The following ACOX3 variants were observed in gnomAD, a reference collection of about 807,000 sequenced individuals.
ACOX3 encodes the protein acyl-CoA oxidase 3, pristanoyl.
Under a neutral mutation model 81.5 loss-of-function variants are expected in ACOX3, and 73 were observed. The observed-to-expected ratio is 0.90, with a 90% CI of 0.74 to 1.09. The LOEUF is 1.09. ACOX3 is among the 50% of genes least tolerant of loss of function. The pLI is 0.00. For synonymous variants in ACOX3, 387 were observed against 375.1 expected (o/e 1.03, Z -0.37); for missense variants, 947 against 928.0 (o/e 1.02, Z -0.27).
In ACOX3 at chr4:8,373,771, G is replaced by A. The variant is rs557296070; in HGVS notation, c.1829-143C>T. 2.3e-5 allele frequency: 16 copies of A among 711,016 alleles called. No individual in the cohort carries two copies. The East Asian group carries it at 4.3e-4, about 19-fold the overall frequency. 44.0% of individuals were successfully genotyped at this position (711,016 alleles called of 1,614,324 possible). A position where few individuals can be genotyped will look rare whatever the true frequency, so the allele number is the denominator to read the frequency against. On this transcript the variant is annotated intron_variant, in intron 15 of 17. Coordinates refer to ENST00000356406, the MANE Select transcript of ACOX3 (RefSeq NM_003501.3). ...CACATCAGTGTCATTGCTGTCCCCAGCCCAGATGTGACCCAAGGAATGTGC... is the reference window on the plus strand; with the variant it reads ...CACATCAGTGTCATTGCTGTCCCCAACCCAGATGTGACCCAAGGAATGTGC...
At chr4:8,420,036 A>C (rs558170999) in intron 1 of ACOX3, among the ~76,000 whole-genome samples, 1 of 152,340 alleles carries the variant, frequency 6.6e-6, no homozygotes, top group East Asian at 1.9e-4. Context: ...GACTGTGTTA[A>C]GCAGCTACAT....
At position 8,396,967 on chromosome 4, in the gene ACOX3, C is replaced by T; in HGVS notation, c.1026G>A (p.Glu342=). The change falls in exon 9 of 18, where the codon GAG becomes GAA. Residue 342 remains glutamate (E), a synonymous_variant. Coordinates refer to ENST00000356406, the MANE Select transcript of ACOX3 (RefSeq NM_003501.3). ...TTGGATACTCAAGCACTGGTATTTC[C>T]TCCTCCTCTGTGGGTCCAAACTGAC... ...TRRQFGPTEE[E]EIPVLEYPMQ... 6.2e-7 allele frequency: 1 copy of T among 1,612,120 alleles called. No homozygotes were observed. Among genetic ancestry groups the T allele is most frequent in the Non-Finnish European group, 8.5e-7 (1 of 1,179,358 alleles).
intron 9 of ACOX3, 44 bp downstream of exon 9, chr4:8,396,893 T>A: frequency 4.4e-6 from 7 of 1,584,732 alleles, no homozygotes; most frequent in Non-Finnish European, 6.0e-6. Context: ...TGAATTTGCA[T>A]ATAAAATAGA....
chr4:8,411,332 G>T (rs551613476), intron 5 of ACOX3, among the ~76,000 whole-genome samples: 1 of 152,320 alleles, frequency 6.6e-6, no homozygotes, highest in South Asian at 2.1e-4. Flanking sequence ...ATAACGTGCC[G>T]GGGAGGGCTT....
rs1422886140 is a variant in ACOX3 at position 8,381,255 on chromosome 4, C to T, written c.1653+237G>A. Among the ~76,000 whole-genome samples the T allele has an allele frequency of 2.0e-5, 3 of 152,146 alleles. No individual in the cohort carries two copies. Among genetic ancestry groups the T allele is most frequent in the Non-Finnish European group, 2.9e-5 (2 of 68,034 alleles). On this transcript the variant is annotated intron_variant, in intron 14 of 17. Transcript: ENST00000356406. This position sits in a 1 kb window ranked among gnomAD's most constrained non-coding sequence, Gnocchi z 4.3. ...CCGCTCTGGTTTACGGGCTGGGAACCGTCAGGCACGGTAAATGTAACATCC... is the reference window on the plus strand; with the variant it reads ...CCGCTCTGGTTTACGGGCTGGGAACTGTCAGGCACGGTAAATGTAACATCC...
intron 1 of ACOX3, among the ~76,000 whole-genome samples, chr4:8,426,541 C>T (rs1339893251): frequency 7.6e-6 from 1 of 131,886 alleles, no homozygotes; most frequent in Non-Finnish European, 1.6e-5. Context: ...TTGTCTTACC[C>T]CCCTTTCACT....
chr4:8,435,368 C>G (rs1252469037), intron 1 of ACOX3, among the ~76,000 whole-genome samples: 2 of 152,190 alleles, frequency 1.3e-5, no homozygotes, highest in Non-Finnish European at 2.9e-5. Context: ...TGCTGGCGGG[C>G]ACCTGTAGTC....
intron 7 of ACOX3, among the ~76,000 whole-genome samples, chr4:8,402,208 C>T (rs374632235): frequency 2.6e-5 from 4 of 152,204 alleles, no homozygotes; most frequent in South Asian, 2.1e-4. Flanking sequence ...CGGGTGGGGA[C>T]GGGGCTGGAG....
chr4:8,411,259 T>A (rs777698181), intron 5 of ACOX3, among the ~76,000 whole-genome samples: 1 of 152,238 alleles, frequency 6.6e-6, no homozygotes, highest in Non-Finnish European at 1.5e-5. Flanking sequence ...CAGTCACTGC[T>A]AGGGGCTGTC....
Position 8,385,780 on chromosome 4 carries a change from T to C in ACOX3, c.1537+3393A>G, listed in dbSNP as rs1410987612. 6.6e-6 allele frequency among the ~76,000 whole-genome samples: 1 copy of C among 152,198 alleles called. No individual in the cohort carries two copies. Among genetic ancestry groups the C allele is most frequent in the Non-Finnish European group, 1.5e-5 (1 of 68,040 alleles). ...CAGAGCCTGAGGGCCCCACATCACT[T>C]AAACAGCTTTTACCAAAGATCCACA... On this transcript the variant is annotated intron_variant, in intron 13 of 17. Transcript: ENST00000356406. This position sits in a 1 kb window ranked among gnomAD's most constrained non-coding sequence, Gnocchi z 5.5.
At chr4:8,415,020 A>AGCGTGGGCATGGTGT in intron 3 of ACOX3, 92 bp from the exon 4 acceptor site, 4 of 1,167,078 alleles carry the variant, frequency 3.4e-6, no homozygotes, top group Non-Finnish European at 5.1e-6. Context: ...ACTCAACACC[A>AGCGTGGGCATGGTGT]TGCCCACGCT....
chr4:8,366,668 A>T lies in ACOX3; in HGVS notation c.*293T>A, dbSNP rs962755122. On this transcript the variant is annotated 3_prime_UTR_variant, in exon 18 of 18. Transcript: ENST00000356406. ...TTAGAGAAAGGAGCTGAACCCTGAA[A>T]ACTGAATGTGCGAAATTCTAATTAT... 1.2e-5 allele frequency: 3 copies of T among 241,038 alleles called. No homozygotes were observed. Among genetic ancestry groups the T allele is most frequent in the Non-Finnish European group, 2.5e-5 (3 of 121,430 alleles). 14.9% of individuals were successfully genotyped at this position (241,038 alleles called of 1,614,324 possible).
chr4:8,393,535 C>A (rs1719268052), intron 10 of ACOX3, among the ~76,000 whole-genome samples: 1 of 150,460 alleles, frequency 6.6e-6, no homozygotes, highest in South Asian at 2.1e-4. Flanking sequence ...GAGACTGATT[C>A]AGAGTAAAAG....
At chr4:8,413,204 A>G (rs567371340) in intron 5 of ACOX3, among the ~76,000 whole-genome samples, 217 of 112,554 alleles carry the variant, frequency 1.9e-3, no homozygotes, top group African/African-American at 4.7e-3. Context: ...GCACCCCTCC[A>G]TAGTACTGAC....
At chr4:8,440,294 T>C (rs1414187632) in intron 1 of ACOX3, among the ~76,000 whole-genome samples, 2 of 152,248 alleles carry the variant, frequency 1.3e-5, no homozygotes, top group African/African-American at 2.4e-5. Flanking sequence ...ATCCGGTGTC[T>C]GAGGAGTTTT....
In ACOX3 at chr4:8,381,485, T is replaced by G. The variant is rs917223632; in HGVS notation, c.1653+7A>C. On this transcript the variant is annotated splice_region_variant and intron_variant, in intron 14 of 17. Transcript: ENST00000356406. This position sits in a 1 kb window ranked among gnomAD's most constrained non-coding sequence, Gnocchi z 4.3. ...TACAAAAGGGAATTTTGAAAACAAA[T>G]ACTTACCTGGCATTTGTTCCTTGCT... 1 of 1,608,684 alleles carries G rather than the reference T, an allele frequency of 6.2e-7. No homozygotes were observed. Among genetic ancestry groups the G allele is most frequent in the African/African-American group, 1.3e-5 (1 of 74,772 alleles).
chr4:8,428,589 G>A (rs899440539), intron 1 of ACOX3: 1 of 152,312 alleles, frequency 6.6e-6, no homozygotes, highest in Non-Finnish European at 1.5e-5. Context: ...TGGAAGCCAC[G>A]AAGCTTCGCC....
Position 8,386,369 on chromosome 4 carries a change from A to C in ACOX3, c.1537+2804T>G, listed in dbSNP as rs931744103. On this transcript the variant is annotated intron_variant, in intron 13 of 17. Transcript: ENST00000356406. The surrounding 1 kb of genome is among the most constrained non-coding windows in gnomAD (Gnocchi z 5.2). ...ATCACGAGGTCAGGATATCGAGACC[A>C]TCCTGCCTAACACGGTGAAACTCCG... Among the ~76,000 whole-genome samples, 2 of 152,068 alleles carry C rather than the reference A, an allele frequency of 1.3e-5. No individual in the cohort carries two copies. The highest frequency in any genetic ancestry group is 2.4e-5 in the African/African-American group (1 of 41,406).
Position 8,389,586 on chromosome 4 carries a change from C to T in ACOX3, c.1423+26G>A. On this transcript the variant is annotated intron_variant, in intron 12 of 17. Coordinates refer to ENST00000356406, the MANE Select transcript of ACOX3 (RefSeq NM_003501.3). The surrounding 1 kb of genome is among the most constrained non-coding windows in gnomAD (Gnocchi z 5.3). The stretch of plus-strand genomic sequence containing the variant: ...CCTGCCCCAGTTGGGTTCCAGCGCC[C>T]CCACCAGTGTGCAGCAGAGCCTCAC... 6.2e-7 allele frequency: 1 copy of T among 1,613,060 alleles called. No homozygotes were observed. The highest frequency in any genetic ancestry group is 1.3e-5 in the African/African-American group (1 of 75,046).
Sources: allele counts gnomAD v4.1 joint callset (sites outside exome capture counted in the v4.1 genomes callset), GRCh38; gene constraint gnomAD v4.1.1; non-coding constraint Gnocchi (gnomAD v3.1); transcripts MANE v1.5; gene names NCBI Gene and HGNC (gene_info 2026-07-23, HGNC 2026-07-21).